The following XRN1 variants were observed in gnomAD, a reference collection of about 807,000 sequenced individuals.
The protein encoded by XRN1 is 5'-3' exoribonuclease 1, also known as strand-exchange protein 1 homolog.
XRN1 carries 67 observed loss-of-function variants against 222.3 expected under a neutral mutation model. The observed-to-expected ratio is 0.30, with a 90% confidence interval of 0.25 to 0.37. The LOEUF is 0.37. Among genes scored for constraint, XRN1 ranks in the 10% least tolerant of loss-of-function variants. The probability of loss-of-function intolerance (pLI) is 1.00; values close to 1 mark genes in which losing one functional copy is unlikely to be tolerated. For missense variants in XRN1, 1,707 were observed against 2,000.2 expected, an observed-to-expected ratio of 0.85 and a Z score of 2.80; for synonymous variants, 643 against 652.4, an observed-to-expected ratio of 0.99 and a Z score of 0.22.
intron 15 of XRN1, chr3:142,407,720 T>C (rs2068398644): frequency 6.6e-6 from 1 of 152,246 alleles, no homozygotes; most frequent in Non-Finnish European, 1.5e-5. Flanking sequence ...CTAATCTTCT[T>C]TGTATCATTC....
intron 22 of XRN1, among the ~76,000 whole-genome samples, chr3:142,381,096 TCTC>T (rs1299782718): frequency 6.7e-6 from 1 of 149,836 alleles, no homozygotes; most frequent in Non-Finnish European, 1.5e-5. Context: ...CGAGACTCTG[TCTC>T]CAAAAAAAAA....
Position 142,365,062 on chromosome 3 carries a change from T to C in XRN1, c.3379A>G (p.Ile1127Val), listed in dbSNP as rs1222182380. The change falls in exon 29 of 41, where the codon ATA (isoleucine) becomes GTA (valine). Residue 1127 changes from isoleucine (I) to valine (V), a missense_variant. Ile to Val is a conservative substitution (Grantham distance 29). Around this residue, in one of 2 missense-constraint regions of XRN1, gnomAD observed 1,234 missense variants for 1,518.2 expected, o/e 0.81. Coordinates refer to ENST00000392981, the MANE Select transcript of XRN1 (RefSeq NM_001282857.2). ...SVPVGLRGTI[I>V]GIKGANREAD... ...AGGATATTACCTCCTTTTATTCCTA[T>C]GATGGTGCCTCGAAGGCCAACTGGA... The C allele has an allele frequency of 4.3e-6, 7 of 1,613,054 alleles. No individual in the cohort carries two copies. The highest frequency in any genetic ancestry group is 5.9e-6 in the Non-Finnish European group (7 of 1,179,604).
intron 1 of XRN1, among the ~76,000 whole-genome samples, chr3:142,442,610 G>A (rs2070274414): frequency 6.6e-6 from 1 of 152,142 alleles, no homozygotes; most frequent in African/African-American, 2.4e-5. Context: ...CCCATCAGAT[G>A]GCCAAATTAT....
intron 1 of XRN1, among the ~76,000 whole-genome samples, chr3:142,446,120 CT>C (rs752072427): frequency 4.6e-5 from 7 of 152,154 alleles, no homozygotes; most frequent in Non-Finnish European, 7.4e-5. Context: ...TCTAGTTTCT[CT>C]TTCTGTTTTT....
intron 29 of XRN1, among the ~76,000 whole-genome samples, chr3:142,362,973 C>T (rs2066694610): frequency 6.6e-6 from 1 of 150,840 alleles, no homozygotes; most frequent in Admixed American, 6.6e-5. Context: ...CAGAGTTTCA[C>T]GTTGTTACCC....
chr3:142,406,627 A>G (rs2068349965), intron 15 of XRN1, among the ~76,000 whole-genome samples: 2 of 152,118 alleles, frequency 1.3e-5, no homozygotes, highest in African/African-American at 4.8e-5. Context: ...CCTGGGCTCA[A>G]GTGATCCTCT....
chr3:142,390,645 A>G (rs772502691), intron 20 of XRN1, among the ~76,000 whole-genome samples: 7 of 152,196 alleles, frequency 4.6e-5, no homozygotes, highest in Admixed American at 2.0e-4. Flanking sequence ...CATATTAGCA[A>G]TAAGGTTGTT....
chr3:142,397,410 G>A lies in XRN1; in HGVS notation c.2258C>T (p.Thr753Ile). Residue 753 changes from threonine (T) to isoleucine (I), a missense_variant, in exon 20 of 41, where the codon ACT (threonine) becomes ATT (isoleucine). Thr to Ile is a moderately conservative substitution (Grantham distance 89). Transcript: ENST00000392981. ...PGTQKLYSGR[T>I]APPSKVVHLG... The stretch of plus-strand genomic sequence containing the variant: ...ATGAACCACTTTAGATGGTGGGGCA[G>A]TTCTTCCTGAATAAAGCTTCTGTGT... The A allele has an allele frequency of 6.2e-7, 1 of 1,608,912 alleles. No homozygotes were observed. Among genetic ancestry groups the A allele is most frequent in the Non-Finnish European group, 8.5e-7 (1 of 1,177,052 alleles).
rs1297981562 is a variant in XRN1, at chr3:142,336,865, G to T, written c.3878-1356C>A. Among the ~76,000 whole-genome samples, 4 of 152,012 alleles carry T rather than the reference G, an allele frequency of 2.6e-5. No homozygotes were observed. The South Asian group carries it at 8.3e-4, about 32-fold the overall frequency. On this transcript the variant is annotated intron_variant, in intron 33 of 40. Coordinates refer to ENST00000392981, the MANE Select transcript of XRN1 (RefSeq NM_001282857.2). ...ATCCATTTGAATATAACACCTTTATGCTATATTTATCATTATCAGATTTAC... is the reference window on the plus strand; with the variant it reads ...ATCCATTTGAATATAACACCTTTATTCTATATTTATCATTATCAGATTTAC...
chr3:142,410,487 G>GTTTTTTTTTTTTTTTTTTTTTTTT (rs751870329), intron 15 of XRN1, among the ~76,000 whole-genome samples: 1 of 68,072 alleles, frequency 1.5e-5, no homozygotes, highest in African/African-American at 6.1e-5. Flanking sequence ...TCTATCTCAT[G>GTTTTTTTTTTTTTTTTTTTTTTTT]TTTTTTTTTT....
At chr3:142,342,676 T>C (rs943683544) in intron 33 of XRN1, among the ~76,000 whole-genome samples, 4 of 152,086 alleles carry the variant, frequency 2.6e-5, no homozygotes, top group Admixed American at 6.5e-5. Flanking sequence ...AGAACATACA[T>C]TGGGGAGAGA....
intron 20 of XRN1, among the ~76,000 whole-genome samples, chr3:142,396,231 G>A (rs184308203): frequency 1.3e-3 from 191 of 152,056 alleles, no homozygotes; most frequent in Non-Finnish European, 1.5e-3. Flanking sequence ...CACTTTACCC[G>A]AAGTACTTTG....
At chr3:142,441,004 C>T (rs764568857) in intron 1 of XRN1, among the ~76,000 whole-genome samples, 5 of 151,988 alleles carry the variant, frequency 3.3e-5, no homozygotes, top group South Asian at 2.1e-4. Context: ...TACTTTTGGC[C>T]GCCCATTCAG....
intron 37 of XRN1, among the ~76,000 whole-genome samples, chr3:142,320,497 T>C (rs766816896): frequency 6.6e-6 from 1 of 152,198 alleles, no homozygotes; most frequent in Non-Finnish European, 1.5e-5. Context: ...AGTTTGCAAA[T>C]ACTGTAGATT....
chr3:142,349,078 G>A (rs746082797), intron 32 of XRN1, among the ~76,000 whole-genome samples: 3 of 151,910 alleles, frequency 2.0e-5, no homozygotes, highest in African/African-American at 4.8e-5. Context: ...TCAGTCTCCC[G>A]AATAGCTGGG....
chr3:142,427,468 T>C (rs866605504), intron 2 of XRN1, among the ~76,000 whole-genome samples: 1 of 152,182 alleles, frequency 6.6e-6, no homozygotes, highest in African/African-American at 2.4e-5. Context: ...ATCAAAAGTA[T>C]AGCTTTAAAT....
intron 1 of XRN1, among the ~76,000 whole-genome samples, chr3:142,441,796 GAT>G (rs1226915094): frequency 6.6e-6 from 1 of 152,222 alleles, no homozygotes; most frequent in African/African-American, 2.4e-5. Flanking sequence ...ATGAAGAAAA[GAT>G]AGAACATAAC....
At chr3:142,357,985 C>T (rs2066510466) in intron 30 of XRN1, among the ~76,000 whole-genome samples, 1 of 152,074 alleles carries the variant, frequency 6.6e-6, no homozygotes, top group Non-Finnish European at 1.5e-5. Flanking sequence ...CTGCAGTGAG[C>T]CAAGATTGCA....
intron 20 of XRN1, among the ~76,000 whole-genome samples, chr3:142,391,755 T>A (rs1460569034): frequency 4.0e-4 from 53 of 131,370 alleles, no homozygotes; most frequent in East Asian, 3.9e-3. Flanking sequence ...AAAAAATATA[T>A]ATATATATAT....
Sources: allele counts gnomAD v4.1 joint callset (sites outside exome capture counted in the v4.1 genomes callset), GRCh38; gene constraint gnomAD v4.1.1; regional missense constraint gnomAD v4.1.1; transcripts MANE v1.5; gene names NCBI Gene and HGNC (gene_info 2026-07-23, HGNC 2026-07-21).